The following OPN3 variants were observed in gnomAD, a reference collection of about 807,000 sequenced individuals.
The protein encoded by OPN3 is opsin-3.
Under a neutral mutation model 33.8 loss-of-function variants are expected in OPN3, and 29 were observed. That is an observed-to-expected ratio of 0.86 (90% CI 0.64 to 1.17). The LOEUF is 1.17. OPN3 is among the 50% of genes most tolerant of loss of function. OPN3 has a pLI of 0.00. For synonymous variants in OPN3, 216 were observed against 216.1 expected, an observed-to-expected ratio of 1.00 and a Z score of 0.00; for missense variants, 437 against 514.1, an observed-to-expected ratio of 0.85 and a Z score of 1.45.
At chr1:241,634,078 G>A in intron 1 of OPN3, 2 of 1,611,872 alleles carry the variant, frequency 1.2e-6, no homozygotes, top group East Asian at 2.2e-5. Flanking sequence ...ACGAGCTTCT[G>A]CTGATTCCCG....
At chr1:241,606,266 G>C (rs1453686231) in intron 1 of OPN3, among the ~76,000 whole-genome samples, 1 of 152,190 alleles carries the variant, frequency 6.6e-6, no homozygotes, top group East Asian at 1.9e-4. Flanking sequence ...GTTTTTGGCT[G>C]GGCACGGTGG....
At chr1:241,624,489 A>G (rs558747105) in intron 1 of OPN3, among the ~76,000 whole-genome samples, 1 of 152,322 alleles carries the variant, frequency 6.6e-6, no homozygotes, top group African/African-American at 2.4e-5. Flanking sequence ...AGATTTCCCT[A>G]GCAGGACTAC....
intron 1 of OPN3, among the ~76,000 whole-genome samples, chr1:241,619,135 C>T (rs669785): frequency 0.031 from 4,688 of 152,170 alleles, 268 homozygotes; most frequent in African/African-American, 0.11. Flanking sequence ...AACTTGAGAA[C>T]TTTCAGGAAA....
chr1:241,619,148 C>A (rs1364660673), intron 1 of OPN3, among the ~76,000 whole-genome samples: 4 of 152,124 alleles, frequency 2.6e-5, no homozygotes, highest in Non-Finnish European at 5.9e-5. Context: ...TCAGGAAAAC[C>A]TTCTGGTTGT....
At chr1:241,634,051 G>A (rs772569153) in intron 1 of OPN3, 90 of 1,612,418 alleles carry the variant, frequency 5.6e-5, no homozygotes, top group Admixed American at 2.2e-4. Flanking sequence ...CATAAACATT[G>A]GAAGGCAAGC....
chr1:241,633,645 ATGC>A (rs3835408), intron 1 of OPN3: 229,391 of 791,816 alleles, frequency 0.29, 34,162 homozygotes, highest in Admixed American at 0.47. Context: ...AAGATATTCA[ATGC>A]TGAATGTCTG....
At chr1:241,610,337 C>T (rs890954365) in intron 1 of OPN3, among the ~76,000 whole-genome samples, 3 of 152,264 alleles carry the variant, frequency 2.0e-5, no homozygotes, top group South Asian at 2.1e-4. Context: ...AAAGCTGTGT[C>T]GGGGAGCTGG....
intron 1 of OPN3, among the ~76,000 whole-genome samples, chr1:241,610,335 G>T (rs1049870642): frequency 6.6e-6 from 1 of 152,226 alleles, no homozygotes; most frequent in African/African-American, 2.4e-5. Flanking sequence ...ACAAAGCTGT[G>T]TCGGGGAGCT....
At chr1:241,610,769 T>G (rs925541727) in intron 1 of OPN3, among the ~76,000 whole-genome samples, 1 of 152,224 alleles carries the variant, frequency 6.6e-6, no homozygotes, top group Non-Finnish European at 1.5e-5. Context: ...TCAATTCCAG[T>G]TTTCTCCATA....
chr1:241,635,811 T>A, intron 1 of OPN3: 1 of 1,548,386 alleles, frequency 6.5e-7, no homozygotes, highest in Non-Finnish European at 8.8e-7. Context: ...ATGAAAGAAA[T>A]GAGGTGTGAT....
intron 1 of OPN3, chr1:241,635,078 T>C (rs968481710): frequency 1.2e-6 from 2 of 1,612,940 alleles, no homozygotes; most frequent in Admixed American, 1.7e-5. Flanking sequence ...CAAATCAATA[T>C]TAAACCTCCT....
At chr1:241,608,063 G>A (rs920361149) in intron 1 of OPN3, among the ~76,000 whole-genome samples, 2 of 152,038 alleles carry the variant, frequency 1.3e-5, no homozygotes, top group Admixed American at 6.5e-5. Context: ...TTGGTTTTAC[G>A]TAGTTTACAA....
At chr1:241,629,104 T>G (rs1664515299) in intron 1 of OPN3, 1 of 152,620 alleles carries the variant, frequency 6.6e-6, no homozygotes, top group Non-Finnish European at 1.5e-5. Context: ...CATTCTGTGA[T>G]AGCACTAGCA....
At chr1:241,616,023 G>A in intron 1 of OPN3, 11 of 454,538 alleles carry the variant, frequency 2.4e-5, no homozygotes, top group South Asian at 1.7e-4. Context: ...TAGATTGCTT[G>A]CACTCTCCTG....
At chr1:241,605,609 G>C (rs1663808420) in intron 1 of OPN3, among the ~76,000 whole-genome samples, 1 of 152,234 alleles carries the variant, frequency 6.6e-6, no homozygotes, top group Non-Finnish European at 1.5e-5. Context: ...CTAGATGTCT[G>C]AAGGGAATGT....
intron 1 of OPN3, among the ~76,000 whole-genome samples, chr1:241,638,166 T>C (rs1664975726): frequency 1.3e-5 from 2 of 152,178 alleles, no homozygotes; most frequent in African/African-American, 4.8e-5. Flanking sequence ...AAAGTCATGG[T>C]TGAAAGCACT....
intron 3 of OPN3, chr1:241,595,580 A>G (rs1354718843): frequency 6.6e-6 from 1 of 152,240 alleles, no homozygotes; most frequent in Non-Finnish European, 1.5e-5. Flanking sequence ...GAGCGAAATA[A>G]ATGTTGAATA....
At chr1:241,622,859 G>A (rs897679089) in intron 1 of OPN3, among the ~76,000 whole-genome samples, 3 of 152,028 alleles carry the variant, frequency 2.0e-5, no homozygotes, top group Admixed American at 6.5e-5. Context: ...CACTGGCTTC[G>A]AGCATAGTGT....
chr1:241,610,474 G>A (rs1428218847), intron 1 of OPN3, among the ~76,000 whole-genome samples: 1 of 152,164 alleles, frequency 6.6e-6, no homozygotes, highest in African/African-American at 2.4e-5. Flanking sequence ...GATATTTCAA[G>A]GCCAAGGATA....
Sources: gnomAD v4.1 joint callset for allele counts (sites outside exome capture counted in the v4.1 genomes callset) on GRCh38, gnomAD v4.1.1 for gene constraint, MANE v1.5 for transcripts, NCBI Gene and HGNC (gene_info 2026-07-23, HGNC 2026-07-21) for gene names.